Variants in TTLL11 observed in about 807,000 individuals in gnomAD.
TTLL11 encodes the protein tubulin polyglutamylase TTLL11.
A neutral mutation model predicts 51.7 loss-of-function variants in TTLL11; 42 were observed. That is an observed-to-expected ratio of 0.81 (90% CI 0.64 to 1.05). The LOEUF (loss-of-function observed/expected upper bound fraction) is 1.05. TTLL11 is among the 50% of genes least tolerant of loss of function. TTLL11 has a pLI of 0.00. For synonymous variants in TTLL11, 381 were observed against 383.5 expected (o/e 0.99, Z 0.08); for missense variants, 799 against 940.4 (o/e 0.85, Z 1.97).
intron 6 of TTLL11, among the ~76,000 whole-genome samples, chr9:121,882,195 C>G (rs1395200489): frequency 1.3e-5 from 2 of 152,182 alleles, no homozygotes; most frequent in Non-Finnish European, 2.9e-5. Context: ...AACTGGTAAC[C>G]AGGACCTGTC....
chr9:122,065,824 T>C (rs1845569153), intron 1 of TTLL11, among the ~76,000 whole-genome samples: 1 of 152,110 alleles, frequency 6.6e-6, no homozygotes, highest in Admixed American at 6.5e-5. Flanking sequence ...CAATGAATAA[T>C]AAAACAAGAG....
chr9:121,870,630 G>A lies in TTLL11; in HGVS notation c.1600C>T (p.Gln534Ter). The change falls in exon 7 of 9, where the codon CAG becomes TAG. Residue 534 changes from glutamine (Q) to a stop codon, truncating the protein, a stop_gained. Transcript: ENST00000321582. LOFTEE classifies it high-confidence loss of function. Reference sequence around the variant, plus strand: ...TGTTTTGCGTACTTGGGGAACACCTGCTTGAGGCAAATGGAAGGCAGGTGG... The same window carrying A: ...TGTTTTGCGTACTTGGGGAACACCTACTTGAGGCAAATGGAAGGCAGGTGG... ...EAHLPSICLK[Q>*]VFPKYAKQFN... 6.4e-7 allele frequency: 1 copy of A among 1,551,780 alleles called. No homozygotes were observed. The highest frequency in any genetic ancestry group is 8.7e-7 in the Non-Finnish European group (1 of 1,147,022).
At position 121,817,623 on chromosome 9, in the gene TTLL11, G is replaced by C. The variant is rs1836448657; in HGVS notation, c.*4964C>G. 1 of 152,280 alleles carries C rather than the reference G, an allele frequency of 6.6e-6. No homozygotes were observed. Among genetic ancestry groups the C allele is most frequent in the East Asian group, 1.9e-4 (1 of 5,198 alleles). The allele number at this position is 152,280 out of a possible 1,614,324, so 9.4% of individuals were successfully genotyped here. A position where few individuals can be genotyped will look rare whatever the true frequency, so the allele number is the denominator to read the frequency against. ...AGCCTCAAGCTAAGTCCCCAGAACT[G>C]AGTGGAGCAAACACCCAGCCTCTGC... On this transcript the variant is annotated 3_prime_UTR_variant, in exon 9 of 9. Transcript: ENST00000321582.
At position 122,031,818 on chromosome 9, in the gene TTLL11, C is replaced by T. The variant is rs753910746; in HGVS notation, c.598G>A (p.Ala200Thr). The change falls in exon 3 of 9, where the codon GCA becomes ACA. Residue 200 changes from alanine (A) to threonine (T), a missense_variant. By Grantham distance (58) the Ala-to-Thr change is moderately conservative. This residue lies in a region of TTLL11 where 468 missense variants were observed against 612.8 expected (regional missense o/e 0.76). Transcript: ENST00000321582. Reference sequence around the variant, plus strand: ...AAGAGATTCTGCATGGTTCTCACTGCTCTGCTCAGAGTAATTTTACGCACC... The same window carrying T: ...AAGAGATTCTGCATGGTTCTCACTGTTCTGCTCAGAGTAATTTTACGCACC... ...EMVRKITLSR[A>T]VRTMQNLFPE... 5.6e-6 allele frequency: 9 copies of T among 1,614,024 alleles called. No homozygotes were observed. In the African/African-American group the frequency reaches 1.1e-4, roughly 19 times the overall value.
At chr9:122,067,502 C>T (rs1213050248) in intron 1 of TTLL11, among the ~76,000 whole-genome samples, 2 of 152,130 alleles carry the variant, frequency 1.3e-5, no homozygotes, top group Non-Finnish European at 2.9e-5. Context: ...ATACAAAACT[C>T]TATGTGAGCA....
At chr9:121,860,838 G>A (rs566155167) in intron 7 of TTLL11, among the ~76,000 whole-genome samples, 3 of 152,312 alleles carry the variant, frequency 2.0e-5, no homozygotes, top group African/African-American at 7.2e-5. Flanking sequence ...AAGCCACTGA[G>A]GCTGTGGCAT....
At chr9:121,829,726 A>C (rs1470654234) in intron 8 of TTLL11, among the ~76,000 whole-genome samples, 3 of 150,376 alleles carry the variant, frequency 2.0e-5, no homozygotes, top group African/African-American at 4.9e-5. Flanking sequence ...TTCTTTTCTG[A>C]ATTTTCCAAA....
intron 1 of TTLL11, among the ~76,000 whole-genome samples, chr9:122,079,753 A>AAGG (rs1488687488): frequency 1.8e-4 from 28 of 152,204 alleles, no homozygotes; most frequent in African/African-American, 6.3e-4. Flanking sequence ...TGGCAATAAA[A>AAGG]CTGCCAAAGT....
At chr9:122,063,124 AT>A (rs915132305) in intron 1 of TTLL11, among the ~76,000 whole-genome samples, 1 of 151,970 alleles carries the variant, frequency 6.6e-6, no homozygotes, top group Non-Finnish European at 1.5e-5. Context: ...CTTTGCCCGA[AT>A]TTTTTTTACC....
chr9:122,021,050 A>C (rs1844160922), intron 3 of TTLL11, among the ~76,000 whole-genome samples: 1 of 152,240 alleles, frequency 6.6e-6, no homozygotes. Flanking sequence ...CCAAAGTGTA[A>C]TAACAGAAAC....
chr9:121,945,528 C>T (rs1202648056), intron 6 of TTLL11, among the ~76,000 whole-genome samples: 1 of 152,204 alleles, frequency 6.6e-6, no homozygotes, highest in African/African-American at 2.4e-5. Context: ...CCACGAGGTC[C>T]TCCTCTCTGC....
intron 8 of TTLL11, among the ~76,000 whole-genome samples, chr9:121,831,910 G>C (rs1837028600): frequency 6.6e-6 from 1 of 152,128 alleles, no homozygotes; most frequent in African/African-American, 2.4e-5. Context: ...AGTCCTGGAG[G>C]CTGAAAGTCT....
chr9:121,991,025 T>C (rs767556559), intron 3 of TTLL11, among the ~76,000 whole-genome samples: 10 of 151,732 alleles, frequency 6.6e-5, no homozygotes, highest in Non-Finnish European at 1.5e-4. Flanking sequence ...AATGTAAGGG[T>C]GGATTTGAAA....
At chr9:121,944,069 A>G (rs1759810987) in intron 6 of TTLL11, among the ~76,000 whole-genome samples, 1 of 152,238 alleles carries the variant, frequency 6.6e-6, no homozygotes, top group South Asian at 2.1e-4. Flanking sequence ...ATTTTCCTGG[A>G]AGGAAGAACA....
intron 3 of TTLL11, among the ~76,000 whole-genome samples, chr9:122,030,105 G>A (rs1227713697): frequency 6.8e-6 from 1 of 147,948 alleles, no homozygotes; most frequent in Non-Finnish European, 1.5e-5. Flanking sequence ...ATGTGTGCCC[G>A]TCAAGTGACT....
At chr9:121,993,986 G>C (rs547715519) in intron 3 of TTLL11, among the ~76,000 whole-genome samples, 1 of 152,290 alleles carries the variant, frequency 6.6e-6, no homozygotes, top group South Asian at 2.1e-4. Flanking sequence ...GTGTCACACG[G>C]TGCATGCCAG....
chr9:121,882,459 G>C (rs1444359210), intron 6 of TTLL11, among the ~76,000 whole-genome samples: 1 of 152,114 alleles, frequency 6.6e-6, no homozygotes, highest in Non-Finnish European at 1.5e-5. Flanking sequence ...CTCCAATCTT[G>C]CTTGTTCACA....
intron 3 of TTLL11, among the ~76,000 whole-genome samples, chr9:122,028,946 G>A (rs1457304341): frequency 6.6e-6 from 1 of 152,116 alleles, no homozygotes; most frequent in East Asian, 1.9e-4. Context: ...AATCCCAAGG[G>A]AAATTAGAGA....
At chr9:121,834,033 G>C (rs560864426) in intron 8 of TTLL11, among the ~76,000 whole-genome samples, 6 of 152,144 alleles carry the variant, frequency 3.9e-5, no homozygotes, top group Admixed American at 2.0e-4. Context: ...CAAGTTTGCT[G>C]TTTGGAATCA....
Sources: gnomAD v4.1 joint callset for allele counts (sites outside exome capture counted in the v4.1 genomes callset) on GRCh38, gnomAD v4.1.1 for gene constraint, gnomAD v4.1.1 regional missense constraint, MANE v1.5 for transcripts, NCBI Gene and HGNC (gene_info 2026-07-23, HGNC 2026-07-21) for gene names.